Variants in MRPS9 observed in about 807,000 individuals in gnomAD.
The protein encoded by MRPS9 is small ribosomal subunit protein uS9m.
In MRPS9, 45 loss-of-function variants were observed where a neutral mutation model predicts 59.9. That is an observed-to-expected ratio of 0.75 (90% confidence interval 0.59 to 0.96). MRPS9 has a LOEUF of 0.96. Among genes scored for constraint, MRPS9 ranks in the 40% least tolerant of loss-of-function variants. MRPS9 has a pLI of 0.00. For synonymous variants in MRPS9, 171 were observed against 166.8 expected (o/e 1.03, Z -0.19); for missense variants, 473 against 481.1 (o/e 0.98, Z 0.16).
At chr2:105,071,962 C>G (rs1680123626) in intron 4 of MRPS9, among the ~76,000 whole-genome samples, 1 of 151,608 alleles carries the variant, frequency 6.6e-6, no homozygotes, top group Non-Finnish European at 1.5e-5. Context: ...CTCCTGTTTT[C>G]TCTGGCTTCT....
At chr2:105,052,103 A>G (rs1679722650) in intron 2 of MRPS9, among the ~76,000 whole-genome samples, 1 of 152,180 alleles carries the variant, frequency 6.6e-6, no homozygotes, top group Non-Finnish European at 1.5e-5. Context: ...TCCTATTTGG[A>G]TACCTCTATT....
At chr2:105,073,869 C>T (rs935119755) in intron 4 of MRPS9, among the ~76,000 whole-genome samples, 1 of 152,082 alleles carries the variant, frequency 6.6e-6, no homozygotes, top group Non-Finnish European at 1.5e-5. Context: ...AAACAAAAGC[C>T]GTTAACTTAA....
In MRPS9 at chr2:105,089,932, C is replaced by T; in HGVS notation, c.588C>T (p.Gly196=). Residue 196 remains glycine, a synonymous_variant, in exon 7 of 11, where the codon GGC becomes GGT. Coordinates refer to ENST00000258455, the MANE Select transcript of MRPS9 (RefSeq NM_182640.3). ...GATATTTTAACAGAGACGTGATTGG[C>T]AGCAGATGGCTGATTAAGGAGGAAC... is the stretch of plus-strand genomic sequence containing the variant. ...PEKTVTRDVI[G]SRWLIKEELE... 1 of 1,607,716 alleles carries T rather than the reference C, an allele frequency of 6.2e-7. No individual in the cohort carries two copies. Among genetic ancestry groups the T allele is most frequent in the East Asian group, 2.2e-5 (1 of 44,728 alleles).
chr2:105,046,773 C>G (rs987020147), intron 1 of MRPS9, among the ~76,000 whole-genome samples: 7 of 151,722 alleles, frequency 4.6e-5, no homozygotes, highest in African/African-American at 1.7e-4. Flanking sequence ...TAGCTGTGAA[C>G]AAAAACATTT....
chr2:105,058,346 C>T (rs959250809), intron 2 of MRPS9, among the ~76,000 whole-genome samples: 1 of 152,282 alleles, frequency 6.6e-6, no homozygotes, highest in East Asian at 1.9e-4. Flanking sequence ...CAGCTGCAAA[C>T]CCACTGCCCA....
intron 4 of MRPS9, among the ~76,000 whole-genome samples, chr2:105,075,042 G>A (rs1041126254): frequency 2.0e-5 from 3 of 152,214 alleles, no homozygotes; most frequent in Non-Finnish European, 4.4e-5. Context: ...ATTGTCCCAT[G>A]TGGTGTTGAT....
intron 2 of MRPS9, among the ~76,000 whole-genome samples, chr2:105,071,067 C>T (rs1055150231): frequency 6.6e-6 from 1 of 152,174 alleles, no homozygotes; most frequent in Non-Finnish European, 1.5e-5. Context: ...TATTTGTGCT[C>T]TCATATTCAA....
chr2:105,084,656 G>A (rs12619439), intron 5 of MRPS9, among the ~76,000 whole-genome samples: 29,637 of 152,086 alleles, frequency 0.19, 3,051 homozygotes, highest in Middle Eastern at 0.35. Context: ...GTGAGGTGTC[G>A]TGAAATAACT....
chr2:105,055,800 A>G (rs1175220958), intron 2 of MRPS9, among the ~76,000 whole-genome samples: 2 of 152,190 alleles, frequency 1.3e-5, no homozygotes, highest in Non-Finnish European at 2.9e-5. Flanking sequence ...AAGAAACACT[A>G]TGGCTGATGA....
intron 2 of MRPS9, among the ~76,000 whole-genome samples, chr2:105,050,443 A>G (rs1211250999): frequency 1.3e-5 from 2 of 152,138 alleles, no homozygotes; most frequent in African/African-American, 4.8e-5. Flanking sequence ...CCCGGTCCAG[A>G]AGGATTTCTT....
chr2:105,062,370 A>G (rs1679922812), intron 2 of MRPS9, among the ~76,000 whole-genome samples: 1 of 152,188 alleles, frequency 6.6e-6, no homozygotes, highest in Non-Finnish European at 1.5e-5. Context: ...AGCCTTACAG[A>G]TGGTTGTCTT....
At chr2:105,073,704 G>T (rs552805322) in intron 4 of MRPS9, among the ~76,000 whole-genome samples, 1 of 152,172 alleles carries the variant, frequency 6.6e-6, no homozygotes. Flanking sequence ...GGAGCAAAGA[G>T]TAGCACTCAT....
At chr2:105,068,309 TAATAA>T (rs1680041701) in intron 2 of MRPS9, among the ~76,000 whole-genome samples, 1 of 152,180 alleles carries the variant, frequency 6.6e-6, no homozygotes, top group South Asian at 2.1e-4. Context: ...ATCTCTTCTA[TAATAA>T]AATATCAGTC....
intron 6 of MRPS9, 44 bp from the exon 7 acceptor site, chr2:105,089,876 T>C: frequency 7.5e-7 from 1 of 1,332,094 alleles, no homozygotes; most frequent in Non-Finnish European, 1.1e-6. Flanking sequence ...ATAACTCTAA[T>C]TGCATGGCTA....
chr2:105,087,712 G>A (rs1680475632), intron 5 of MRPS9, among the ~76,000 whole-genome samples: 1 of 152,112 alleles, frequency 6.6e-6, no homozygotes. Flanking sequence ...CCTACCTGTT[G>A]AGTATTATAT....
intron 2 of MRPS9, among the ~76,000 whole-genome samples, chr2:105,064,248 G>C (rs971717887): frequency 6.6e-6 from 1 of 152,164 alleles, no homozygotes; most frequent in African/African-American, 2.4e-5. Context: ...AGAAGGAAGG[G>C]AGACAGCGGT....
chr2:105,097,437 A>T, intron 10 of MRPS9, 113 bp downstream of exon 10: 2 of 976,204 alleles, frequency 2.0e-6, no homozygotes, highest in Non-Finnish European at 2.8e-6. Flanking sequence ...CATATGTAAT[A>T]TTTCACTTCG....
chr2:105,055,636 T>C (rs1679778772), intron 2 of MRPS9, among the ~76,000 whole-genome samples: 4 of 152,166 alleles, frequency 2.6e-5, no homozygotes. Flanking sequence ...CCCTCCACCT[T>C]TGTGGCACCT....
intron 10 of MRPS9, chr2:105,098,599 T>TA (rs1292337457): frequency 3.9e-5 from 6 of 152,228 alleles, no homozygotes; most frequent in Non-Finnish European, 7.3e-5. Flanking sequence ...CATTCTTACT[T>TA]ACAGTTGAAG....
Sources: allele counts gnomAD v4.1 joint callset (sites outside exome capture counted in the v4.1 genomes callset), GRCh38; gene constraint gnomAD v4.1.1; transcripts MANE v1.5; gene names NCBI Gene and HGNC (gene_info 2026-07-23, HGNC 2026-07-21).